The following LRRN1 variants were observed in gnomAD, a reference collection of about 807,000 sequenced individuals.
LRRN1 encodes the protein leucine rich repeat neuronal 1, also known as leucine-rich repeat neuronal protein 1.
In LRRN1, 14 loss-of-function variants were observed where a neutral mutation model predicts 45.8. The ratio of observed to expected loss-of-function variants is 0.31; its 90% CI spans 0.20 to 0.48. LRRN1 has a LOEUF of 0.48. Among genes scored for constraint, LRRN1 ranks in the 20% least tolerant of loss-of-function variants. LRRN1 has a pLI of 0.99. For missense variants in LRRN1, 789 were observed against 874.2 expected (o/e 0.90, Z 1.23); for synonymous variants, 359 against 330.1 (o/e 1.09, Z -0.95).
chr3:3,844,749 C>T lies in LRRN1; in HGVS notation c.108C>T (p.Cys36=), dbSNP rs753419560. The change falls in exon 2 of 2, where the codon TGC becomes TGT. Residue 36 remains cysteine, a synonymous_variant. Transcript: ENST00000319331. ...SIQNSECPQL[C]VCEIRPWFTP... The stretch of plus-strand genomic sequence containing the variant: ...AGAATAGTGAGTGTCCACAACTTTG[C>T]GTATGTGAAATTCGTCCCTGGTTTA... The T allele has an allele frequency of 1.2e-5, 19 of 1,614,108 alleles. No homozygotes were observed. The highest frequency in any genetic ancestry group is 8.9e-5 in the East Asian group (4 of 44,874).
chr3:3,844,489 C>T lies in LRRN1; in HGVS notation c.-153C>T. ...CTGCCTTTTGAAAACTCCTGAAAAC[C>T]ATCCCTTTGGACTCTGGAATTCTAC... On this transcript the variant is annotated 5_prime_UTR_variant, in exon 2 of 2. Transcript: ENST00000319331. The T allele has an allele frequency of 1.6e-6, 1 of 616,998 alleles. No individual in the cohort carries two copies. The highest frequency in any genetic ancestry group is 2.8e-5 in the East Asian group (1 of 35,186). 38.2% of individuals were successfully genotyped at this position (616,998 alleles called of 1,614,324 possible).
At position 3,828,172 on chromosome 3, in the gene LRRN1, T is replaced by C. The variant is rs1693272240; in HGVS notation, c.-278-16192T>C. Among the ~76,000 whole-genome samples the C allele has an allele frequency of 4.0e-5, 6 of 150,010 alleles. No individual in the cohort carries two copies. The South Asian group carries it at 1.3e-3, about 31-fold the overall frequency. Reference sequence around the variant, plus strand: ...TATATATTATATATATATCTCCCATTAGTGTATGTGACTATTATATATATA... The same window carrying C: ...TATATATTATATATATATCTCCCATCAGTGTATGTGACTATTATATATATA... On this transcript the variant is annotated intron_variant, in intron 1 of 1. Transcript: ENST00000319331.
At chr3:3,833,022 A>C (rs1168854458) in intron 1 of LRRN1, among the ~76,000 whole-genome samples, 1 of 152,146 alleles carries the variant, frequency 6.6e-6, no homozygotes, top group African/African-American at 2.4e-5. Context: ...TTGGGATCCA[A>C]TTCTTCCCAC....
chr3:3,840,142 T>C (rs1347484660), intron 1 of LRRN1, among the ~76,000 whole-genome samples: 1 of 152,174 alleles, frequency 6.6e-6, no homozygotes, highest in East Asian at 1.9e-4. Context: ...TATGTGTAGG[T>C]ACTTTCCTTC....
chr3:3,800,599 GC>G, intron 1 of LRRN1: 1 of 139,732 alleles, frequency 7.2e-6, no homozygotes, highest in African/African-American at 2.7e-5. Flanking sequence ...CAGCCCGTGA[GC>G]CTTGAGCTCC....
intron 1 of LRRN1, among the ~76,000 whole-genome samples, chr3:3,815,578 A>G (rs1038279238): frequency 2.0e-5 from 3 of 152,158 alleles, no homozygotes; most frequent in African/African-American, 7.2e-5. Flanking sequence ...AGTGAAAATA[A>G]ACTAACTACT....
At chr3:3,837,371 G>A (rs1693544732) in intron 1 of LRRN1, among the ~76,000 whole-genome samples, 1 of 151,836 alleles carries the variant, frequency 6.6e-6, no homozygotes, top group Non-Finnish European at 1.5e-5. Context: ...AGTGTCAAGA[G>A]CTTTAAGGAC....
chr3:3,812,714 G>T (rs1259542190), intron 1 of LRRN1, among the ~76,000 whole-genome samples: 4 of 151,720 alleles, frequency 2.6e-5, no homozygotes, highest in Non-Finnish European at 5.9e-5. Context: ...TACATGTGTG[G>T]ACTGGCATAT....
chr3:3,805,867 T>TA (rs1459260760), intron 1 of LRRN1, among the ~76,000 whole-genome samples: 1 of 152,202 alleles, frequency 6.6e-6, no homozygotes, highest in Non-Finnish European at 1.5e-5. Flanking sequence ...TGCCAGGCAT[T>TA]ACAGAAGGCA....
chr3:3,806,308 G>GA (rs1466018060), intron 1 of LRRN1, among the ~76,000 whole-genome samples: 1 of 152,174 alleles, frequency 6.6e-6, no homozygotes, highest in African/African-American at 2.4e-5. Flanking sequence ...GGGAGTGCAG[G>GA]CTACACAAGT....
Position 3,844,946 on chromosome 3 carries a change from T to C in LRRN1, c.305T>C (p.Phe102Ser). The C allele has an allele frequency of 6.2e-7, 1 of 1,614,068 alleles. No homozygotes were observed. Among genetic ancestry groups the C allele is most frequent in the Non-Finnish European group, 8.5e-7 (1 of 1,180,012 alleles). Residue 102 changes from phenylalanine (F) to serine (S), a missense_variant, in exon 2 of 2, where the codon TTC (phenylalanine) becomes TCC (serine). Phe to Ser is a radical substitution (Grantham distance 155, BLOSUM62 -2). Coordinates refer to ENST00000319331, the MANE Select transcript of LRRN1 (RefSeq NM_020873.7). ...CTTTTCAACTTGACTGAACTAGATT[T>C]CTCCCAAAACAACTTTACTAACATT... The part of the protein sequence containing the change: ...QQLFNLTELD[F>S]SQNNFTNIKE...
At chr3:3,801,810 T>G (rs991221403) in intron 1 of LRRN1, among the ~76,000 whole-genome samples, 2 of 152,246 alleles carry the variant, frequency 1.3e-5, no homozygotes, top group African/African-American at 4.8e-5. Flanking sequence ...AGCTGGATAT[T>G]CTAAGCTAGT....
intron 1 of LRRN1, among the ~76,000 whole-genome samples, chr3:3,803,639 C>G (rs1692699966): frequency 6.6e-6 from 1 of 152,088 alleles, no homozygotes; most frequent in East Asian, 1.9e-4. Context: ...ATCTTTAACT[C>G]ATGAATAGAG....
At chr3:3,830,678 T>G (rs945805152) in intron 1 of LRRN1, among the ~76,000 whole-genome samples, 1 of 152,156 alleles carries the variant, frequency 6.6e-6, no homozygotes, top group Non-Finnish European at 1.5e-5. Context: ...TTGAGCCACT[T>G]CCTTATGTAA....
intron 1 of LRRN1, among the ~76,000 whole-genome samples, chr3:3,808,583 T>C (rs970388179): frequency 2.6e-5 from 4 of 152,180 alleles, no homozygotes; most frequent in African/African-American, 9.7e-5. Flanking sequence ...GACTTGTGAA[T>C]GATAGGGGAA....
intron 1 of LRRN1, among the ~76,000 whole-genome samples, chr3:3,819,317 C>T (rs1693054085): frequency 6.8e-6 from 1 of 147,094 alleles, no homozygotes; most frequent in African/African-American, 2.7e-5. Flanking sequence ...TCTTACACTT[C>T]TTTAGTTTAC....
chr3:3,828,023 T>C (rs946370059), intron 1 of LRRN1, among the ~76,000 whole-genome samples: 4 of 151,980 alleles, frequency 2.6e-5, no homozygotes, highest in Non-Finnish European at 5.9e-5. Context: ...GAAAATGAAA[T>C]TCAAAGGCAA....
chr3:3,837,332 T>TCC (rs35514612), intron 1 of LRRN1, among the ~76,000 whole-genome samples: 24 of 151,382 alleles, frequency 1.6e-4, no homozygotes, highest in East Asian at 1.2e-3. Flanking sequence ...TATTACTCCT[T>TCC]CCCCCCCCCA....
At chr3:3,842,578 G>A (rs763139908) in intron 1 of LRRN1, among the ~76,000 whole-genome samples, 1 of 152,052 alleles carries the variant, frequency 6.6e-6, no homozygotes, top group Non-Finnish European at 1.5e-5. Context: ...TTACAAAGTC[G>A]AAAGGTTAAT....
Sources: gnomAD v4.1 joint callset for allele counts (sites outside exome capture counted in the v4.1 genomes callset) on GRCh38, gnomAD v4.1.1 for gene constraint, MANE v1.5 for transcripts, NCBI Gene and HGNC (gene_info 2026-07-23, HGNC 2026-07-21) for gene names.